Variants in CFAP96 observed in about 807,000 individuals in gnomAD.
The protein encoded by CFAP96 is cilia-and flagella-associated protein 96.
At chr4:185,415,786 C>T in the CFAP96 span, 18 of 1,613,554 alleles carry the variant, frequency 1.1e-5, no homozygotes, top group Admixed American at 3.3e-5. Flanking sequence ...TGGTGTCCTC[C>T]GCTTTCCCTT....
the CFAP96 span, among the ~76,000 whole-genome samples, chr4:185,435,115 A>G: frequency 6.6e-6 from 1 of 152,190 alleles, no homozygotes; most frequent in Non-Finnish European, 1.5e-5. Context: ...TTTTGGGTAA[A>G]TTATGCCTGT....
At chr4:185,447,932 T>C in the CFAP96 span, among the ~76,000 whole-genome samples, 1 of 152,228 alleles carries the variant, frequency 6.6e-6, no homozygotes, top group African/African-American at 2.4e-5. Flanking sequence ...TTAGCTGCAA[T>C]AATTAGCCAA....
At chr4:185,422,473 C>T in the CFAP96 span, 1 of 1,595,650 alleles carries the variant, frequency 6.3e-7, no homozygotes. Flanking sequence ...AAGAATTTTT[C>T]AGAAGACCTA....
At chr4:185,442,083 C>G in the CFAP96 span, among the ~76,000 whole-genome samples, 3 of 151,978 alleles carry the variant, frequency 2.0e-5, no homozygotes, top group Non-Finnish European at 4.4e-5. Flanking sequence ...TTTGACTCAT[C>G]TATTTGTTTA....
the CFAP96 span, among the ~76,000 whole-genome samples, chr4:185,439,289 C>T: frequency 6.6e-6 from 1 of 151,892 alleles, no homozygotes; most frequent in Non-Finnish European, 1.5e-5. Context: ...TTTTCAGTAC[C>T]ATTGTTGTGA....
At chr4:185,439,232 C>G in the CFAP96 span, among the ~76,000 whole-genome samples, 1 of 152,050 alleles carries the variant, frequency 6.6e-6, no homozygotes, top group Non-Finnish European at 1.5e-5. Context: ...ATTCCCATGA[C>G]AAGTAAATTT....
chr4:185,449,046 T>C, the CFAP96 span, among the ~76,000 whole-genome samples: 1 of 152,162 alleles, frequency 6.6e-6, no homozygotes, highest in East Asian at 1.9e-4. Flanking sequence ...CAGTAAACCT[T>C]TGGACACCAG....
the CFAP96 span, chr4:185,431,999 G>T: frequency 6.4e-7 from 1 of 1,551,442 alleles, no homozygotes; most frequent in Non-Finnish European, 8.7e-7. Context: ...TAATGAGGCT[G>T]CAAGCAAAAA....
At chr4:185,429,205 C>G in the CFAP96 span, 7 of 406,816 alleles carry the variant, frequency 1.7e-5, no homozygotes, top group South Asian at 1.3e-4. Context: ...GGTTCTTTCC[C>G]CATGGAGTAT....
the CFAP96 span, chr4:185,445,473 A>C: frequency 6.6e-7 from 1 of 1,511,612 alleles, no homozygotes; most frequent in Non-Finnish European, 9.1e-7. Flanking sequence ...TATTTCTCGA[A>C]GGGAGTTTCT....
the CFAP96 span, among the ~76,000 whole-genome samples, chr4:185,426,640 GT>G: frequency 6.6e-6 from 1 of 152,196 alleles, no homozygotes. Context: ...TCTTAAATCT[GT>G]TTCTAGTTTC....
At chr4:185,442,270 C>CT in the CFAP96 span, among the ~76,000 whole-genome samples, 1 of 151,920 alleles carries the variant, frequency 6.6e-6, no homozygotes, top group Non-Finnish European at 1.5e-5. Flanking sequence ...AAAATTTACT[C>CT]TTTTTTTGGA....
the CFAP96 span, among the ~76,000 whole-genome samples, chr4:185,412,197 C>T: frequency 1.2e-3 from 178 of 152,216 alleles, no homozygotes; most frequent in Admixed American, 5.8e-3. Context: ...ATTTTTCTTA[C>T]GACCTTGTAA....
the CFAP96 span, among the ~76,000 whole-genome samples, chr4:185,428,393 G>A: frequency 1.3e-5 from 2 of 151,918 alleles, no homozygotes; most frequent in Non-Finnish European, 2.9e-5. Flanking sequence ...GGCCAACATA[G>A]TTAAACCCTG....
At chr4:185,444,533 T>A in the CFAP96 span, among the ~76,000 whole-genome samples, 1 of 152,206 alleles carries the variant, frequency 6.6e-6, no homozygotes, top group Non-Finnish European at 1.5e-5. Context: ...GTGCTATTGC[T>A]TATTACTTTT....
chr4:185,446,979 A>G, the CFAP96 span, among the ~76,000 whole-genome samples: 3 of 151,636 alleles, frequency 2.0e-5, no homozygotes, highest in Admixed American at 6.6e-5. Flanking sequence ...CTTTTAACCT[A>G]CTCTACTACA....
chr4:185,413,800 C>G, the CFAP96 span: 3 of 1,613,396 alleles, frequency 1.9e-6, no homozygotes, highest in Non-Finnish European at 2.5e-6. Flanking sequence ...TATGGCTCAT[C>G]TGGAAAGTGA....
the CFAP96 span, among the ~76,000 whole-genome samples, chr4:185,408,989 T>TA: frequency 6.6e-6 from 1 of 152,200 alleles, no homozygotes; most frequent in Non-Finnish European, 1.5e-5. Context: ...ACTTATCATT[T>TA]AAAAAATATC....
At chr4:185,429,030 A>G in the CFAP96 span, among the ~76,000 whole-genome samples, 1 of 152,250 alleles carries the variant, frequency 6.6e-6, no homozygotes. Flanking sequence ...TTTATAATAC[A>G]CCGTACAGTA....
Sources: gnomAD v4.1 joint callset for allele counts (sites outside exome capture counted in the v4.1 genomes callset) on GRCh38, gnomAD v4.1.1 for gene constraint, MANE v1.5 for transcripts, NCBI Gene and HGNC (gene_info 2026-07-23, HGNC 2026-07-21) for gene names.